NUDT19: variants seen among roughly 807,000 people sequenced by gnomAD.
NUDT19 encodes the protein acyl-coenzyme A diphosphatase NUDT19.
A neutral mutation model predicts 22.2 loss-of-function variants in NUDT19; 31 were observed. That is an observed-to-expected ratio of 1.40 (90% CI 1.05 to 1.89). The LOEUF (loss-of-function observed/expected upper bound fraction) is 1.89. Among genes scored for constraint, NUDT19 ranks in the 40% most tolerant of loss-of-function variants. The pLI is 0.00. For synonymous variants in NUDT19, 325 were observed against 230.8 expected (o/e 1.41, Z -3.70); for missense variants, 752 against 514.2 (o/e 1.46, Z -4.47).
At chr19:32,692,751 A>C in intron 1 of NUDT19, 77 bp downstream of exon 1, 1 of 1,178,288 alleles carries the variant, frequency 8.5e-7, no homozygotes, top group East Asian at 3.0e-5. Flanking sequence ...CCAGGCCCCC[A>C]AGGGACCCCC....
At chr19:32,705,898 C>A (rs528801086) in intron 1 of NUDT19, among the ~76,000 whole-genome samples, 2 of 152,186 alleles carry the variant, frequency 1.3e-5, no homozygotes, top group South Asian at 4.2e-4. Flanking sequence ...AGCTGCACTT[C>A]TAAATGTATG....
chr19:32,695,650 C>G (rs1002801508), intron 1 of NUDT19, among the ~76,000 whole-genome samples: 2 of 152,170 alleles, frequency 1.3e-5, no homozygotes, highest in African/African-American at 4.8e-5. Flanking sequence ...GTTCTCCCTT[C>G]TCCTTCCCCT....
At chr19:32,693,050 C>G (rs1226867844) in intron 1 of NUDT19, among the ~76,000 whole-genome samples, 1 of 152,212 alleles carries the variant, frequency 6.6e-6, no homozygotes, top group Non-Finnish European at 1.5e-5. Flanking sequence ...ATTTTTGGTA[C>G]AGATGGGGGT....
At position 32,711,918 on chromosome 19, in the gene NUDT19, T is replaced by C. The variant is rs758950449; in HGVS notation, c.1089T>C (p.Val363=). The change falls in exon 3 of 3, where the codon GTT becomes GTC. Residue 363 remains valine, a synonymous_variant. Transcript: ENST00000397061. The stretch of plus-strand genomic sequence containing the variant: ...CTGTTCAGCCAAAGTATAAACACGT[T>C]TATCCTAAGAACTCTGTAGTAAGAA... ...HVTVQPKYKH[V]YPKNSVVRKS... The C allele has an allele frequency of 6.2e-7, 1 of 1,614,012 alleles. No homozygotes were observed.
Sources: allele counts gnomAD v4.1 joint callset (sites outside exome capture counted in the v4.1 genomes callset), GRCh38; gene constraint gnomAD v4.1.1; transcripts MANE v1.5; gene names NCBI Gene and HGNC (gene_info 2026-07-23, HGNC 2026-07-21).